Variants in RNF170 observed in about 807,000 individuals in gnomAD.
The protein encoded by RNF170 is ring finger protein 170.
In RNF170, 12 loss-of-function variants were observed where a neutral mutation model predicts 32.7. The ratio of observed to expected loss-of-function variants is 0.37; its 90% confidence interval spans 0.24 to 0.60. The LOEUF (loss-of-function observed/expected upper bound fraction) is 0.60, where lower values mean the gene tolerates loss of function less well. RNF170 is among the 20% of genes least tolerant of loss of function. The pLI is 0.72. For missense variants in RNF170, 212 were observed against 311.2 expected (o/e 0.68, Z 2.40); for synonymous variants, 91 against 103.6 (o/e 0.88, Z 0.74).
At chr8:42,861,435 G>T in intron 6 of RNF170, 1 of 302,862 alleles carries the variant, frequency 3.3e-6, no homozygotes. Context: ...CAACCTCCTG[G>T]GCTCAGGTGA....
chr8:42,851,132 T>C (rs1802929718), downstream of RNF170: 6 of 1,288,514 alleles, frequency 4.7e-6, no homozygotes, highest in Non-Finnish European at 6.3e-6. Flanking sequence ...CCCTGGGCTC[T>C]ACCACCACAG....
chr8:42,862,955 C>G (rs1451148027), intron 5 of RNF170, among the ~76,000 whole-genome samples: 2 of 152,092 alleles, frequency 1.3e-5, no homozygotes, highest in African/African-American at 2.4e-5. Context: ...GCTGTGAGAG[C>G]GAGGATCTCT....
chr8:42,876,195 T>TA (rs1220420400), intron 2 of RNF170, among the ~76,000 whole-genome samples: 1 of 150,984 alleles, frequency 6.6e-6, no homozygotes, highest in Admixed American at 6.6e-5. Flanking sequence ...TAGGAATTCT[T>TA]AAATCTGGTG....
intron 2 of RNF170, among the ~76,000 whole-genome samples, chr8:42,883,878 C>T (rs1002615783): frequency 9.9e-5 from 15 of 151,888 alleles, no homozygotes; most frequent in African/African-American, 3.6e-4. Context: ...AAATGCCACC[C>T]CTTCCCCAAT....
chr8:42,854,628 G>C lies in RNF170; in HGVS notation c.*1531C>G, dbSNP rs1180065101. The C allele has an allele frequency of 1.6e-6, 2 of 1,287,036 alleles. No homozygotes were observed. The highest frequency in any genetic ancestry group is 3.0e-5 in the African/African-American group (2 of 65,794). 79.7% of individuals were successfully genotyped at this position (1,287,036 alleles called of 1,614,324 possible). A position where few individuals can be genotyped will look rare whatever the true frequency, so the allele number is the denominator to read the frequency against. On this transcript the variant is annotated 3_prime_UTR_variant, in exon 7 of 7. Transcript: ENST00000527424. ...AATCTCATTAATTGGTAGCTGATCTGATTAGCTAGAGAGAATGTGACAGAT... is the reference window on the plus strand; with the variant it reads ...AATCTCATTAATTGGTAGCTGATCTCATTAGCTAGAGAGAATGTGACAGAT...
intron 1 of RNF170, among the ~76,000 whole-genome samples, chr8:42,893,866 C>T (rs1806518808): frequency 6.6e-6 from 1 of 152,146 alleles, no homozygotes; most frequent in South Asian, 2.1e-4. Flanking sequence ...ACAGGACATG[C>T]CCTCTTTAAT....
At chr8:42,882,751 G>A (rs1805515611) in intron 2 of RNF170, among the ~76,000 whole-genome samples, 1 of 152,110 alleles carries the variant, frequency 6.6e-6, no homozygotes, top group African/African-American at 2.4e-5. Flanking sequence ...TAAAGTTTCT[G>A]TTAGGGAAGA....
At chr8:42,880,946 T>C (rs1227238821) in intron 2 of RNF170, among the ~76,000 whole-genome samples, 5 of 152,224 alleles carry the variant, frequency 3.3e-5, no homozygotes, top group Non-Finnish European at 7.3e-5. Flanking sequence ...AATTAAAGTA[T>C]GTACATTGTT....
chr8:42,867,366 G>C (rs1028863305), intron 4 of RNF170, among the ~76,000 whole-genome samples: 5 of 151,446 alleles, frequency 3.3e-5, no homozygotes, highest in African/African-American at 1.2e-4. Context: ...AGCTACTTGG[G>C]AGGTTGATGC....
At chr8:42,868,595 C>A (rs202010183) in intron 4 of RNF170, among the ~76,000 whole-genome samples, 1 of 152,180 alleles carries the variant, frequency 6.6e-6, no homozygotes, top group African/African-American at 2.4e-5. Flanking sequence ...TGGCTCACAT[C>A]TGTGATCCCA....
chr8:42,880,927 GTATTT>G (rs1805345147), intron 2 of RNF170, among the ~76,000 whole-genome samples: 2 of 151,954 alleles, frequency 1.3e-5, no homozygotes, highest in South Asian at 4.2e-4. Context: ...TAGCAATAAA[GTATTT>G]TATAATTAAA....
chr8:42,878,770 A>G (rs1244450398), intron 2 of RNF170, among the ~76,000 whole-genome samples: 1 of 152,230 alleles, frequency 6.6e-6, no homozygotes, highest in African/African-American at 2.4e-5. Flanking sequence ...GATGGCATAT[A>G]GGACTTTCAT....
At chr8:42,861,903 GT>G (rs1243153504) in intron 5 of RNF170, 48 bp from the exon 6 acceptor site, 8 of 1,523,166 alleles carry the variant, frequency 5.3e-6, no homozygotes, top group African/African-American at 4.2e-5. Context: ...GCATCATTAT[GT>G]TTTTTTCATT....
rs140329141 is a variant in RNF170, at chr8:42,865,594, C to T, written c.323-105G>A. 1,243 of 869,514 alleles carry T rather than the reference C, an allele frequency of 1.4e-3. 11 individuals carry two copies. In the African/African-American group the frequency reaches 0.018, roughly 12 times the overall value. The allele number at this position is 869,514 out of a possible 1,614,324, so 53.9% of individuals were successfully genotyped here. A position where few individuals can be genotyped will look rare whatever the true frequency, so the allele number is the denominator to read the frequency against. On this transcript the variant is annotated intron_variant, in intron 4 of 6. Transcript: ENST00000527424. ...TATTTGAAATATTTTAACAGTACCA[C>T]GTTATTTAAAAATACCTTTTACTTC... is the stretch of plus-strand genomic sequence containing the variant.
At chr8:42,871,575 CT>C (rs879900479) in intron 3 of RNF170, among the ~76,000 whole-genome samples, 202 of 145,402 alleles carry the variant, frequency 1.4e-3, no homozygotes, top group Middle Eastern at 3.6e-3. Context: ...CCCTTCTCTA[CT>C]TTTTTTTTTT....
At chr8:42,875,531 C>G (rs1401662088) in intron 2 of RNF170, among the ~76,000 whole-genome samples, 1 of 152,138 alleles carries the variant, frequency 6.6e-6, no homozygotes, top group Admixed American at 6.5e-5. Context: ...AATTTAAAGT[C>G]AAATATCTAA....
At position 42,884,805 on chromosome 8, in the gene RNF170, G is replaced by A. The variant is rs371887035; in HGVS notation, c.137+2923C>T. ...CAACCTCTGCTTCCCAGGTTCAAGC[G>A]ATTCTCCTGCCTCAGCCTCCTGGGT... On this transcript the variant is annotated intron_variant, in intron 2 of 6. Coordinates refer to ENST00000527424, the MANE Select transcript of RNF170 (RefSeq NM_030954.4). Among the ~76,000 whole-genome samples, 6 of 117,614 alleles carry A rather than the reference G, an allele frequency of 5.1e-5. No individual in the cohort carries two copies. In the East Asian group the frequency reaches 8.1e-4, roughly 16 times the overall value. The allele number at this position is 117,614 out of a possible 152,430, so 77.2% of individuals were successfully genotyped here.
chr8:42,875,627 A>T (rs1275945676), intron 2 of RNF170, among the ~76,000 whole-genome samples: 1 of 152,220 alleles, frequency 6.6e-6, no homozygotes, highest in African/African-American at 2.4e-5. Context: ...CCCAGGCTGG[A>T]GTGCGGTGGC....
Position 42,856,163 on chromosome 8 carries a change from CTAGT to C in RNF170, c.769_772del (p.Thr257AspfsTer17). Reference sequence around the variant, plus strand: ...AACTCAGTTTTGTTTTCTTTTTCATCTAGTTAGCCTTTGGGTTATCACTTCTCGA... The same window carrying C: ...AACTCAGTTTTGTTTTCTTTTTCATCTAGCCTTTGGGTTATCACTTCTCGA... On this transcript the variant is annotated frameshift_variant, in exon 7 of 7. Coordinates refer to ENST00000527424, the MANE Select transcript of RNF170 (RefSeq NM_030954.4). LOFTEE classifies it high-confidence loss of function. The C allele has an allele frequency of 1.2e-6, 2 of 1,612,696 alleles. No homozygotes were observed. The highest frequency in any genetic ancestry group is 1.7e-6 in the Non-Finnish European group (2 of 1,179,660).
Sources: allele counts gnomAD v4.1 joint callset (sites outside exome capture counted in the v4.1 genomes callset), GRCh38; gene constraint gnomAD v4.1.1; transcripts MANE v1.5; gene names NCBI Gene and HGNC (gene_info 2026-07-23, HGNC 2026-07-21).